SASS6: variants seen among roughly 807,000 people sequenced by gnomAD.
SASS6 encodes the protein spindle assembly abnormal protein 6 homolog.
A neutral mutation model predicts 94.9 loss-of-function variants in SASS6; 59 were observed. That is an observed-to-expected ratio of 0.62 (90% CI 0.50 to 0.77). The LOEUF (loss-of-function observed/expected upper bound fraction) is 0.77, where lower values mean the gene tolerates loss of function less well. Ranked by LOEUF, SASS6 falls within the 30% of genes least tolerant of loss-of-function variation. The pLI, the probability that SASS6 is intolerant of heterozygous loss-of-function variation, is 0.00. For missense variants in SASS6, 698 were observed against 734.1 expected (o/e 0.95, Z 0.57); for synonymous variants, 264 against 270.0 (o/e 0.98, Z 0.22).
At chr1:100,104,965 A>C (rs1253853256) in intron 13 of SASS6, among the ~76,000 whole-genome samples, 1 of 151,930 alleles carries the variant, frequency 6.6e-6, no homozygotes, top group Admixed American at 6.6e-5. Context: ...AAGAGAAAAA[A>C]ATCTGGTCCT....
chr1:100,088,039 G>A, intron 15 of SASS6, 100 bp downstream of exon 15: 1 of 590,948 alleles, frequency 1.7e-6, no homozygotes, highest in African/African-American at 1.8e-5. Context: ...AAATGTCTCA[G>A]GTAAACAGGT....
rs1055503932 is a variant in SASS6, at chr1:100,110,545, G to T, written c.670-62C>A. On this transcript the variant is annotated intron_variant, in intron 7 of 16. Coordinates refer to ENST00000287482, the MANE Select transcript of SASS6 (RefSeq NM_194292.3). ...GAAAAAAATCAGAAATACAAATACA[G>T]AAAGATTTGAACAAAAAAAAATTGT... 6.2e-6 allele frequency: 5 copies of T among 812,376 alleles called. No homozygotes were observed. The Admixed American group carries it at 1.2e-4, about 20-fold the overall frequency. The allele number at this position is 812,376 out of a possible 1,614,324, so 50.3% of individuals were successfully genotyped here.
intron 3 of SASS6, among the ~76,000 whole-genome samples, chr1:100,123,008 C>G (rs1384158986): frequency 6.6e-6 from 1 of 152,080 alleles, no homozygotes; most frequent in African/African-American, 2.4e-5. Flanking sequence ...CTTCAAACTT[C>G]ACAGGTGTTT....
intron 14 of SASS6, among the ~76,000 whole-genome samples, chr1:100,100,129 G>A (rs982747073): frequency 6.6e-6 from 1 of 152,044 alleles, no homozygotes; most frequent in Non-Finnish European, 1.5e-5. Flanking sequence ...AGCCAGGTGT[G>A]GTGCTGCACA....
At chr1:100,110,771 G>A (rs565480024) in intron 7 of SASS6, among the ~76,000 whole-genome samples, 1 of 151,766 alleles carries the variant, frequency 6.6e-6, no homozygotes, top group African/African-American at 2.4e-5. Context: ...CAGTCTTCAA[G>A]TTAAGGGAAG....
rs1448650910 is a variant in SASS6, at chr1:100,083,782, C to T, written c.*1546G>A. 1 of 151,952 alleles carries T rather than the reference C, an allele frequency of 6.6e-6. No homozygotes were observed. Among genetic ancestry groups the T allele is most frequent in the Admixed American group, 6.6e-5 (1 of 15,242 alleles). The allele number at this position is 151,952 out of a possible 1,614,324, so 9.4% of individuals were successfully genotyped here. ...AGAATGATCTCTCCTGAAAATTCAA[C>T]TTTCCTTGTGTATATATATGCAAAG... is the stretch of plus-strand genomic sequence containing the variant. On this transcript the variant is annotated 3_prime_UTR_variant, in exon 17 of 17. Coordinates refer to ENST00000287482, the MANE Select transcript of SASS6 (RefSeq NM_194292.3).
intron 1 of SASS6, among the ~76,000 whole-genome samples, chr1:100,126,701 G>C (rs188875282): frequency 2.0e-5 from 3 of 152,136 alleles, no homozygotes; most frequent in Admixed American, 2.0e-4. Flanking sequence ...TGCGGAACCT[G>C]GTAGGCAGAG....
chr1:100,108,655 A>G (rs1340768075), intron 8 of SASS6, among the ~76,000 whole-genome samples: 2 of 152,102 alleles, frequency 1.3e-5, no homozygotes, highest in Non-Finnish European at 2.9e-5. Context: ...AAAGTTTCCA[A>G]AAATAATTAT....
intron 14 of SASS6, among the ~76,000 whole-genome samples, chr1:100,101,646 G>A (rs529747091): frequency 2.6e-5 from 4 of 152,128 alleles, no homozygotes; most frequent in East Asian, 1.9e-4. Flanking sequence ...AAGATACAAC[G>A]ACACTTGAGT....
intron 14 of SASS6, among the ~76,000 whole-genome samples, chr1:100,094,617 G>A (rs1651982792): frequency 6.6e-6 from 1 of 152,118 alleles, no homozygotes. Context: ...CACTTTGGGA[G>A]GCCGAGGTGG....
intron 13 of SASS6, 77 bp downstream of exon 13, chr1:100,105,690 A>T: frequency 7.0e-7 from 1 of 1,423,626 alleles, no homozygotes; most frequent in Non-Finnish European, 9.8e-7. Context: ...TAAATCATGG[A>T]AACTTCCTAA....
intron 8 of SASS6, among the ~76,000 whole-genome samples, chr1:100,108,336 G>A (rs890132606): frequency 6.6e-6 from 1 of 151,860 alleles, no homozygotes; most frequent in Non-Finnish European, 1.5e-5. Flanking sequence ...GGTGAGAGCC[G>A]CCACAATGTA....
intron 1 of SASS6, among the ~76,000 whole-genome samples, chr1:100,131,468 C>T (rs1655019139): frequency 6.6e-6 from 1 of 152,170 alleles, no homozygotes; most frequent in African/African-American, 2.4e-5. Context: ...TGCCATTTAA[C>T]ACATAATATA....
intron 2 of SASS6, among the ~76,000 whole-genome samples, chr1:100,125,402 C>T (rs1654531414): frequency 6.6e-6 from 1 of 151,426 alleles, no homozygotes; most frequent in Non-Finnish European, 1.5e-5. Context: ...TGGTATAGGC[C>T]GGGCACAGTG....
chr1:100,120,514 T>A (rs377305397), intron 5 of SASS6, 55 bp from the exon 6 acceptor site: 1 of 813,408 alleles, frequency 1.2e-6, no homozygotes, highest in South Asian at 1.4e-5. Context: ...TCTATAGCCA[T>A]GCTACTCAAA....
At chr1:100,110,533 A>T in intron 7 of SASS6, 50 bp from the exon 8 acceptor site, 1 of 899,426 alleles carries the variant, frequency 1.1e-6, no homozygotes, top group East Asian at 2.9e-5. Flanking sequence ...AAAAATCAGA[A>T]ATACAAATAC....
At chr1:100,116,496 CTA>C (rs1379773106) in intron 7 of SASS6, among the ~76,000 whole-genome samples, 1 of 152,050 alleles carries the variant, frequency 6.6e-6, no homozygotes, top group African/African-American at 2.4e-5. Flanking sequence ...AAACATATGC[CTA>C]TATATACTAC....
intron 1 of SASS6, 115 bp downstream of exon 1, chr1:100,132,635 G>A (rs1484275688): frequency 1.4e-5 from 12 of 883,728 alleles, no homozygotes; most frequent in African/African-American, 3.3e-5. Context: ...CGCTTCCTAG[G>A]GGGGCCGACT....
Position 100,125,900 on chromosome 1 carries a change from A to G in SASS6, c.108T>C (p.Ser36=), listed in dbSNP as rs762870962. The G allele has an allele frequency of 2.9e-5, 45 of 1,554,546 alleles. No homozygotes were observed. The highest frequency in any genetic ancestry group is 4.0e-5 in the Non-Finnish European group (45 of 1,135,764). The part of the protein sequence containing the change: ...IRMSIELQSV[S]NPVHRKDLVI... ...TACCAACCTTTCTGTGAACTGGATT[A>G]GAAACTGATTGTAGTTCAATGCTCA... is the stretch of plus-strand genomic sequence containing the variant. Residue 36 remains serine, a synonymous_variant, in exon 2 of 17, where the codon TCT becomes TCC. Coordinates refer to ENST00000287482, the MANE Select transcript of SASS6 (RefSeq NM_194292.3).
Sources: gnomAD v4.1 joint callset for allele counts (sites outside exome capture counted in the v4.1 genomes callset) on GRCh38, gnomAD v4.1.1 for gene constraint, MANE v1.5 for transcripts, NCBI Gene and HGNC (gene_info 2026-07-23, HGNC 2026-07-21) for gene names.